The following SHOX2 variants were observed in gnomAD, a reference collection of about 807,000 sequenced individuals.
SHOX2 encodes the protein short stature homeobox protein 2.
Under a neutral mutation model 31.3 loss-of-function variants are expected in SHOX2, and 13 were observed. The observed-to-expected ratio is 0.42, with a 90% CI of 0.27 to 0.66. The LOEUF is 0.66. Ranked by LOEUF, SHOX2 falls within the 30% of genes least tolerant of loss-of-function variation. The pLI is 0.27. For missense variants in SHOX2, 473 were observed against 443.0 expected (o/e 1.07, Z -0.61); for synonymous variants, 244 against 196.2 (o/e 1.24, Z -2.04).
In SHOX2 at chr3:158,106,267, A is replaced by G; in HGVS notation, c.-243T>C. On this transcript the variant is annotated 5_prime_UTR_variant, in exon 1 of 5. Coordinates refer to ENST00000483851, the MANE Select transcript of SHOX2 (RefSeq NM_001163678.2). Reference sequence around the variant, plus strand: ...GAGGAGGAAGAAGAGGAAGAGGGGGAGAAGGGTGAAGAGGAGAGGGAGGAG... The same window carrying G: ...GAGGAGGAAGAAGAGGAAGAGGGGGGGAAGGGTGAAGAGGAGAGGGAGGAG... 1 of 534,750 alleles carries G rather than the reference A, an allele frequency of 1.9e-6. No homozygotes were observed. Among genetic ancestry groups the G allele is most frequent in the Non-Finnish European group, 3.2e-6 (1 of 316,588 alleles). 33.1% of individuals were successfully genotyped at this position (534,750 alleles called of 1,614,324 possible). A position where few individuals can be genotyped will look rare whatever the true frequency, so the allele number is the denominator to read the frequency against.
intron 1 of SHOX2, chr3:158,105,358 T>A: frequency 1.7e-6 from 1 of 588,514 alleles, no homozygotes; most frequent in South Asian, 2.0e-5. Context: ...CACGTCCGCC[T>A]GCGGGCCATC....
Position 158,106,193 on chromosome 3 carries a change from G to A in SHOX2, c.-169C>T. On this transcript the variant is annotated 5_prime_UTR_variant, in exon 1 of 5. Coordinates refer to ENST00000483851, the MANE Select transcript of SHOX2 (RefSeq NM_001163678.2). ...AGAAGAAGAAAAAGAGGAGAAGAAA[G>A]AAGAAAGAGGAGGAGAAGTAGAAGG... 9.0e-7 allele frequency: 1 copy of A among 1,108,164 alleles called. No homozygotes were observed. Among genetic ancestry groups the A allele is most frequent in the Non-Finnish European group, 1.2e-6 (1 of 801,392 alleles). The allele number at this position is 1,108,164 out of a possible 1,614,324, so 68.6% of individuals were successfully genotyped here. A position where few individuals can be genotyped will look rare whatever the true frequency, so the allele number is the denominator to read the frequency against.
At chr3:158,105,446 A>G in intron 1 of SHOX2, among the ~76,000 whole-genome samples, 1 of 150,496 alleles carries the variant, frequency 6.6e-6, no homozygotes, top group Admixed American at 6.6e-5. Flanking sequence ...GCGCGCACAA[A>G]CCCCACACGC....
At chr3:158,099,503 A>AGG (rs1713351191) in intron 4 of SHOX2, among the ~76,000 whole-genome samples, 1 of 152,224 alleles carries the variant, frequency 6.6e-6, no homozygotes, top group South Asian at 2.1e-4. Flanking sequence ...AAGTATCTAG[A>AGG]GGGTTGCCTT....
At chr3:158,099,824 A>T in intron 4 of SHOX2, 36 bp downstream of exon 4, 5 of 1,481,846 alleles carry the variant, frequency 3.4e-6, no homozygotes, top group Non-Finnish European at 4.7e-6. Flanking sequence ...AGGTATTTTC[A>T]TATTTAAAAA....
In SHOX2 at chr3:158,097,861, C is replaced by A. The variant is rs777304183; in HGVS notation, c.*166G>T. The A allele has an allele frequency of 1.2e-5, 11 of 904,412 alleles. No individual in the cohort carries two copies. The highest frequency in any genetic ancestry group is 1.7e-5 in the Non-Finnish European group (10 of 592,730). 56.0% of individuals were successfully genotyped at this position (904,412 alleles called of 1,614,324 possible). On this transcript the variant is annotated 3_prime_UTR_variant, in exon 5 of 5. Coordinates refer to ENST00000483851, the MANE Select transcript of SHOX2 (RefSeq NM_001163678.2). ...TGAGATCCCTGGTCCTGCGTGGAGTCTGGCTTTCCGAGTCCAAGATGCGAT... is the reference window on the plus strand; with the variant it reads ...TGAGATCCCTGGTCCTGCGTGGAGTATGGCTTTCCGAGTCCAAGATGCGAT...
At position 158,105,853 on chromosome 3, in the gene SHOX2, C is replaced by T. The variant is rs1273216630; in HGVS notation, c.172G>A (p.Ala58Thr). ...CCTCCGCCGCCGCCTCCGCCGGCCG[C>T]CCGGACTGCCGGGCTGCTGCGGTCG... ...RDDRSSPAVR[A>T]AGGGGGGGGG... The change falls in exon 1 of 5, where the codon GCG becomes ACG. Residue 58 changes from alanine (A) to threonine (T), a missense_variant. This residue lies in a region of SHOX2 where 276 missense variants were observed against 230.0 expected (regional missense o/e 1.20). Coordinates refer to ENST00000483851, the MANE Select transcript of SHOX2 (RefSeq NM_001163678.2). 4.8e-6 allele frequency: 7 copies of T among 1,451,752 alleles called. No homozygotes were observed. The highest frequency in any genetic ancestry group is 2.8e-5 in the South Asian group (2 of 70,930). The allele number at this position is 1,451,752 out of a possible 1,614,324, so 89.9% of individuals were successfully genotyped here. A position where few individuals can be genotyped will look rare whatever the true frequency, so the allele number is the denominator to read the frequency against.
Position 158,106,225 on chromosome 3 carries a change from A to G in SHOX2, c.-201T>C. On this transcript the variant is annotated 5_prime_UTR_variant, in exon 1 of 5. Transcript: ENST00000483851. The stretch of plus-strand genomic sequence containing the variant: ...GAGGAGGAGAAGTAGAAGGAGAAAA[A>G]GAAGTAAGAAGAGGAGGAGGAGGAA... 1 of 784,958 alleles carries G rather than the reference A, an allele frequency of 1.3e-6. No individual in the cohort carries two copies. 48.6% of individuals were successfully genotyped at this position (784,958 alleles called of 1,614,324 possible).
chr3:158,103,092 A>T (rs934155197), intron 1 of SHOX2: 6 of 617,156 alleles, frequency 9.7e-6, no homozygotes, highest in Middle Eastern at 4.3e-4. Flanking sequence ...GCAAAGGTCA[A>T]GTCTGAGCGG....
At chr3:158,098,311 A>G in intron 4 of SHOX2, 27 bp from the exon 5 acceptor site, 2 of 1,610,402 alleles carry the variant, frequency 1.2e-6, no homozygotes, top group Middle Eastern at 1.7e-4. Context: ...GTCACGTTGC[A>G]ATGACTATCC....
chr3:158,105,891 T>C lies in SHOX2; in HGVS notation c.134A>G (p.Glu45Gly), dbSNP rs1409302656. 6.4e-7 allele frequency: 1 copy of C among 1,561,330 alleles called. No homozygotes were observed. The highest frequency in any genetic ancestry group is 1.2e-5 in the South Asian group (1 of 86,422). Residue 45 changes from glutamate (E) to glycine (G), a missense_variant, in exon 1 of 5, where the codon GAG (glutamate) becomes GGG (glycine). Transcript: ENST00000483851. ...RGAKEPTGCT[E>G]AGRDDRSSPA... Reference sequence around the variant, plus strand: ...GCTGCTGCGGTCGTCGCGGCCCGCCTCGGTGCAGCCGGTCGGCTCCTTGGC... The same window carrying C: ...GCTGCTGCGGTCGTCGCGGCCCGCCCCGGTGCAGCCGGTCGGCTCCTTGGC...
At chr3:158,099,778 G>C in intron 4 of SHOX2, 82 bp downstream of exon 4, 1 of 1,017,888 alleles carries the variant, frequency 9.8e-7, no homozygotes, top group Non-Finnish European at 1.5e-6. Flanking sequence ...TCTGGGCTCA[G>C]AGACAGGTGA....
At position 158,102,759 on chromosome 3, in the gene SHOX2, A is replaced by G; in HGVS notation, c.474T>C (p.Leu158=). The change falls in exon 2 of 5, where the codon CTT becomes CTC. Residue 158 remains leucine (L), a synonymous_variant. Coordinates refer to ENST00000483851, the MANE Select transcript of SHOX2 (RefSeq NM_001163678.2). ...CGTCGGGATAGTGGGTCTCGTCAAA[A>G]AGCCTCTCCAGCTCATTGAGTTGTT... The part of the protein sequence containing the change: ...TLEQLNELER[L]FDETHYPDAF... 1 of 1,613,922 alleles carries G rather than the reference A, an allele frequency of 6.2e-7. No homozygotes were observed. The highest frequency in any genetic ancestry group is 8.5e-7 in the Non-Finnish European group (1 of 1,179,988).
rs1388195773 is a variant in SHOX2, at chr3:158,096,891, TA to T, written c.*1135del. 1 of 67,180 alleles carries T rather than the reference TA, an allele frequency of 1.5e-5. No individual in the cohort carries two copies. The highest frequency in any genetic ancestry group is 6.6e-5 in the African/African-American group (1 of 15,074). 4.2% of individuals were successfully genotyped at this position (67,180 alleles called of 1,614,324 possible). On this transcript the variant is annotated 3_prime_UTR_variant, in exon 5 of 5. Coordinates refer to ENST00000483851, the MANE Select transcript of SHOX2 (RefSeq NM_001163678.2). ...TCCCCAGGATCAAAGACAGGGCAAATATATATATATATATATATATATATAT... is the reference window on the plus strand; with the variant it reads ...TCCCCAGGATCAAAGACAGGGCAAATTATATATATATATATATATATATAT...
At chr3:158,099,002 T>A (rs1578073411) in intron 4 of SHOX2, among the ~76,000 whole-genome samples, 2 of 152,202 alleles carry the variant, frequency 1.3e-5, no homozygotes, top group East Asian at 3.9e-4. Flanking sequence ...AGCATCAGGA[T>A]GCCAGAGTCC....
In SHOX2 at chr3:158,106,068, C is replaced by G; in HGVS notation, c.-44G>C. 1 of 1,608,986 alleles carries G rather than the reference C, an allele frequency of 6.2e-7. No homozygotes were observed. The highest frequency in any genetic ancestry group is 8.5e-7 in the Non-Finnish European group (1 of 1,177,500). ...CGGCGCTCAACCTCTGCCAGCAGAGCCCCGCTCTTTTTTTCCTTCTTCTTT... is the reference window on the plus strand; with the variant it reads ...CGGCGCTCAACCTCTGCCAGCAGAGGCCCGCTCTTTTTTTCCTTCTTCTTT... On this transcript the variant is annotated 5_prime_UTR_variant, in exon 1 of 5. Transcript: ENST00000483851.
At position 158,097,928 on chromosome 3, in the gene SHOX2, T is replaced by A; in HGVS notation, c.*99A>T. 1 of 1,441,004 alleles carries A rather than the reference T, an allele frequency of 6.9e-7. No homozygotes were observed. Among genetic ancestry groups the A allele is most frequent in the Non-Finnish European group, 9.3e-7 (1 of 1,074,008 alleles). 89.3% of individuals were successfully genotyped at this position (1,441,004 alleles called of 1,614,324 possible). A position where few individuals can be genotyped will look rare whatever the true frequency, so the allele number is the denominator to read the frequency against. On this transcript the variant is annotated 3_prime_UTR_variant, in exon 5 of 5. Transcript: ENST00000483851. ...TCAGTGAGGCGGGAAGAGGGCCGGC[T>A]CCCGAGGTCTCAAAGGGGTAACGGA...
At position 158,102,865 on chromosome 3, in the gene SHOX2, C is replaced by G; in HGVS notation, c.368G>C (p.Arg123Pro). ...CTCCATCCCTTTCGCATCCTCTTTG[C>G]GATCTTTCAGCTCCGGGGACACTGG... ...LTEVSPELKD[R>P]KEDAKGMEDE... is the part of the protein sequence containing the mutation. The change falls in exon 2 of 5, where the codon CGC becomes CCC. Residue 123 changes from arginine (R) to proline (P), a missense_variant. Arg to Pro is a moderately radical substitution (Grantham distance 103). Around this residue, in one of 3 missense-constraint regions of SHOX2, gnomAD observed 276 missense variants for 230.0 expected, o/e 1.20. Transcript: ENST00000483851. 1 of 1,613,990 alleles carries G rather than the reference C, an allele frequency of 6.2e-7. No homozygotes were observed. The highest frequency in any genetic ancestry group is 8.5e-7 in the Non-Finnish European group (1 of 1,179,994).
intron 4 of SHOX2, 93 bp from the exon 5 acceptor site, chr3:158,098,377 G>A: frequency 6.6e-7 from 1 of 1,513,870 alleles, no homozygotes; most frequent in Admixed American, 1.9e-5. Context: ...TGGCCAGAGA[G>A]AGAGTTGGGT....
Sources: gnomAD v4.1 joint callset for allele counts (sites outside exome capture counted in the v4.1 genomes callset) on GRCh38, gnomAD v4.1.1 for gene constraint, gnomAD v4.1.1 regional missense constraint, MANE v1.5 for transcripts, NCBI Gene and HGNC (gene_info 2026-07-23, HGNC 2026-07-21) for gene names.